Variants in ADGRL3 observed in about 807,000 individuals in gnomAD.
ADGRL3 encodes the protein adhesion G protein-coupled receptor L3, also known as calcium-independent alpha-latrotoxin receptor 3.
ADGRL3 carries 62 observed loss-of-function variants against 153.5 expected under a neutral mutation model. The observed-to-expected ratio is 0.40, with a 90% confidence interval of 0.33 to 0.50. The LOEUF (loss-of-function observed/expected upper bound fraction) is 0.50, where lower values mean the gene tolerates loss of function less well. Among genes scored for constraint, ADGRL3 ranks in the 20% least tolerant of loss-of-function variants. The pLI, the probability that ADGRL3 is intolerant of heterozygous loss-of-function variation, is 0.47. For synonymous variants in ADGRL3, 710 were observed against 672.5 expected, an observed-to-expected ratio of 1.06 and a Z score of -0.86; for missense variants, 1,641 against 1,859.4, an observed-to-expected ratio of 0.88 and a Z score of 2.16.
intron 2 of ADGRL3, among the ~76,000 whole-genome samples, chr4:61,396,442 A>G (rs376672689): frequency 1.3e-5 from 2 of 151,998 alleles, no homozygotes; most frequent in East Asian, 1.9e-4. Context: ...AGGAATATAC[A>G]TATCAAATTA....
intron 1 of ADGRL3, among the ~76,000 whole-genome samples, chr4:61,246,668 C>G (rs188365477): frequency 2.0e-5 from 3 of 151,806 alleles, no homozygotes; most frequent in Admixed American, 2.0e-4. Context: ...ATGAAGTTAA[C>G]TATACCCTAA....
chr4:61,982,842 G>T (rs2099073140), intron 18 of ADGRL3, among the ~76,000 whole-genome samples: 1 of 151,860 alleles, frequency 6.6e-6, no homozygotes, highest in African/African-American at 2.4e-5. Context: ...AACAAGGCAG[G>T]GTAGAAATAA....
chr4:61,691,195 G>A (rs1431549364), intron 6 of ADGRL3, among the ~76,000 whole-genome samples: 9 of 152,238 alleles, frequency 5.9e-5, no homozygotes, highest in African/African-American at 1.7e-4. Flanking sequence ...AATTTATGAC[G>A]AATTATAGTA....
intron 9 of ADGRL3, among the ~76,000 whole-genome samples, chr4:61,856,950 CTCTT>C (rs55713412): frequency 0.068 from 3,859 of 56,886 alleles, 114 homozygotes; most frequent in South Asian, 0.12. Flanking sequence ...CTTTCTTCTT[CTCTT>C]TCTTTCTTTC....
At chr4:61,430,286 C>G (rs145955339) in intron 2 of ADGRL3, among the ~76,000 whole-genome samples, 2 of 152,226 alleles carry the variant, frequency 1.3e-5, no homozygotes, top group East Asian at 3.9e-4. Flanking sequence ...AATAGTCTAG[C>G]TGATGAGATG....
chr4:61,523,397 C>T (rs1347742476), intron 4 of ADGRL3, among the ~76,000 whole-genome samples: 1 of 152,012 alleles, frequency 6.6e-6, no homozygotes, highest in Non-Finnish European at 1.5e-5. Flanking sequence ...TGTTAGCTGC[C>T]TTCTTCTATA....
chr4:61,216,064 G>A (rs2148934864), intron 1 of ADGRL3, among the ~76,000 whole-genome samples: 1 of 152,168 alleles, frequency 6.6e-6, no homozygotes, highest in African/African-American at 2.4e-5. Flanking sequence ...CTGCTTGCAA[G>A]TTGAGCTTTT....
chr4:61,210,666 C>T (rs1739559490), intron 1 of ADGRL3, among the ~76,000 whole-genome samples: 1 of 152,104 alleles, frequency 6.6e-6, no homozygotes, highest in Non-Finnish European at 1.5e-5. Flanking sequence ...TGGAAGGGTT[C>T]AACTGTTTTT....
chr4:61,263,760 G>A (rs1179303455), intron 1 of ADGRL3, among the ~76,000 whole-genome samples: 2 of 151,884 alleles, frequency 1.3e-5, no homozygotes, highest in Non-Finnish European at 2.9e-5. Flanking sequence ...CCAGGACCAG[G>A]GAGATATAAG....
chr4:61,424,485 C>T (rs2097252619), intron 2 of ADGRL3, among the ~76,000 whole-genome samples: 1 of 152,122 alleles, frequency 6.6e-6, no homozygotes, highest in South Asian at 2.1e-4. Flanking sequence ...ATTATCAGGG[C>T]CCAACGTAGG....
At chr4:61,394,229 T>TA (rs1339358810) in intron 2 of ADGRL3, among the ~76,000 whole-genome samples, 3 of 151,956 alleles carry the variant, frequency 2.0e-5, no homozygotes, top group Non-Finnish European at 2.9e-5. Flanking sequence ...TTTAAGGACA[T>TA]ATTAGGAAAA....
rs191576782 is a variant in ADGRL3 at position 61,244,021 on chromosome 4, G to C, written c.-240+42256G>C. ...CAATTGTAAATAAAGTTGTTTGATA[G>C]AATGCAAAGACTAGGATCATATGTT... On this transcript the variant is annotated intron_variant, in intron 1 of 26. Coordinates refer to ENST00000683033, the MANE Select transcript of ADGRL3 (RefSeq NM_001387552.1). Among the ~76,000 whole-genome samples the C allele has an allele frequency of 4.6e-5, 7 of 152,116 alleles. No individual in the cohort carries two copies. In the East Asian group the frequency reaches 1.2e-3, roughly 25 times the overall value.
intron 8 of ADGRL3, among the ~76,000 whole-genome samples, chr4:61,743,162 T>A (rs546136822): frequency 6.6e-6 from 1 of 151,176 alleles, no homozygotes; most frequent in South Asian, 2.1e-4. Flanking sequence ...CTATTAAAAA[T>A]ACGAAAAATT....
intron 1 of ADGRL3, among the ~76,000 whole-genome samples, chr4:61,236,247 T>A (rs965251378): frequency 5.3e-5 from 8 of 152,024 alleles, no homozygotes; most frequent in African/African-American, 1.9e-4. Flanking sequence ...TGACCTCAGG[T>A]GATCTGCCCA....
At chr4:61,800,800 A>G (rs1323352845) in intron 8 of ADGRL3, among the ~76,000 whole-genome samples, 3 of 152,232 alleles carry the variant, frequency 2.0e-5, no homozygotes, top group African/African-American at 4.8e-5. Context: ...AAAGATTATC[A>G]TGAAAATGAT....
At chr4:61,857,120 A>G (rs2098283549) in intron 9 of ADGRL3, among the ~76,000 whole-genome samples, 1 of 139,228 alleles carries the variant, frequency 7.2e-6, no homozygotes, top group Non-Finnish European at 1.5e-5. Flanking sequence ...TTTTTCAGAC[A>G]GGTGTCTTGC....
intron 1 of ADGRL3, among the ~76,000 whole-genome samples, chr4:61,305,369 A>G (rs1225631934): frequency 6.6e-6 from 1 of 152,124 alleles, no homozygotes; most frequent in Non-Finnish European, 1.5e-5. Flanking sequence ...TACCTCTTCC[A>G]AAAGGAGTTC....
chr4:61,367,227 GC>G, intron 1 of ADGRL3, among the ~76,000 whole-genome samples: 1 of 151,172 alleles, frequency 6.6e-6, no homozygotes, highest in East Asian at 1.9e-4. Flanking sequence ...TAAAACTGTC[GC>G]TTTTTTTTTT....
chr4:62,031,765 T>C (rs1193067841), intron 23 of ADGRL3, among the ~76,000 whole-genome samples, 155 bp downstream of exon 23: 1 of 151,474 alleles, frequency 6.6e-6, no homozygotes, highest in East Asian at 1.9e-4. Flanking sequence ...AAACACAAAA[T>C]ACAAGCATAA....
Sources: allele counts gnomAD v4.1 joint callset (sites outside exome capture counted in the v4.1 genomes callset), GRCh38; gene constraint gnomAD v4.1.1; transcripts MANE v1.5; gene names NCBI Gene and HGNC (gene_info 2026-07-23, HGNC 2026-07-21).